BACH2: variants seen among roughly 807,000 people sequenced by gnomAD.
BACH2 encodes the protein transcription regulator protein BACH2.
A neutral mutation model predicts 61.8 loss-of-function variants in BACH2; 5 were observed. The ratio of observed to expected loss-of-function variants is 0.08; its 90% confidence interval spans 0.04 to 0.17. BACH2 has a LOEUF of 0.17. BACH2 is among the 10% of genes least tolerant of loss of function. BACH2 has a pLI of 1.00. For missense variants in BACH2, 824 were observed against 1,091.1 expected, an observed-to-expected ratio of 0.76 and a Z score of 3.45; for synonymous variants, 446 against 440.1, an observed-to-expected ratio of 1.01 and a Z score of -0.17.
At chr6:90,078,042 TA>T (rs1355072053) in intron 5 of BACH2, among the ~76,000 whole-genome samples, 3 of 152,122 alleles carry the variant, frequency 2.0e-5, no homozygotes, top group African/African-American at 7.2e-5. Context: ...TTGCAAAGCA[TA>T]AAAAATAAAA....
intron 6 of BACH2, among the ~76,000 whole-genome samples, chr6:89,966,399 G>A (rs1584541982): frequency 6.6e-6 from 1 of 152,206 alleles, no homozygotes; most frequent in African/African-American, 2.4e-5. Flanking sequence ...CACCATCTGT[G>A]CTCTGTGAGG....
intron 3 of BACH2, among the ~76,000 whole-genome samples, chr6:90,211,758 A>C (rs1769362491): frequency 2.6e-5 from 4 of 152,288 alleles, no homozygotes; most frequent in African/African-American, 4.8e-5. Context: ...GCCTTCAGTA[A>C]TATATGTCAA....
intron 6 of BACH2, among the ~76,000 whole-genome samples, chr6:90,002,923 CTT>C (rs1456440810): frequency 6.6e-6 from 1 of 152,200 alleles, no homozygotes; most frequent in African/African-American, 2.4e-5. Context: ...TGACTCCTCT[CTT>C]TCTCTCCCAC....
At chr6:90,092,209 A>C (rs1782186144) in intron 4 of BACH2, among the ~76,000 whole-genome samples, 1 of 150,992 alleles carries the variant, frequency 6.6e-6, no homozygotes, top group African/African-American at 2.4e-5. Flanking sequence ...CATTTTAAAA[A>C]TATACTTCGA....
intron 5 of BACH2, among the ~76,000 whole-genome samples, chr6:90,029,783 T>G (rs1296356667): frequency 6.6e-6 from 1 of 152,240 alleles, no homozygotes; most frequent in Non-Finnish European, 1.5e-5. Flanking sequence ...CCAGAGCTGC[T>G]TGTCTTTTCT....
At position 90,088,990 on chromosome 6, in the gene BACH2, T is replaced by A. The variant is rs1355848440; in HGVS notation, c.-42A>T. The stretch of plus-strand genomic sequence containing the variant: ...AATTTTTCCAGGTCCTGTGCTGCCT[T>A]CGAGTCTTAGGATGCAGGGAACTGG... On this transcript the variant is annotated 5_prime_UTR_variant, in exon 5 of 9. Coordinates refer to ENST00000257749, the MANE Select transcript of BACH2 (RefSeq NM_021813.4). 6.6e-6 allele frequency: 1 copy of A among 152,300 alleles called. No homozygotes were observed. The highest frequency in any genetic ancestry group is 1.5e-5 in the Non-Finnish European group (1 of 68,034). 9.4% of individuals were successfully genotyped at this position (152,300 alleles called of 1,614,324 possible). A position where few individuals can be genotyped will look rare whatever the true frequency, so the allele number is the denominator to read the frequency against.
rs540420960 is a variant in BACH2, at chr6:90,005,719, G to A, written c.243+2883C>T. On this transcript the variant is annotated intron_variant, in intron 6 of 8. Transcript: ENST00000257749. ...AGCCTCAAAAGAAAATGCCACTGGG[G>A]CTGGCTTGCATGTTCCATCAACAAG... Among the ~76,000 whole-genome samples the A allele has an allele frequency of 2.6e-5, 4 of 152,306 alleles. No individual in the cohort carries two copies. The South Asian group carries it at 8.3e-4, about 32-fold the overall frequency.
intron 5 of BACH2, among the ~76,000 whole-genome samples, chr6:90,053,519 T>A (rs1582272438): frequency 6.6e-6 from 1 of 152,160 alleles, no homozygotes; most frequent in Non-Finnish European, 1.5e-5. Flanking sequence ...CCTCAAGCAA[T>A]CTTCCTGGCT....
At chr6:89,972,065 A>G (rs1554221932) in intron 6 of BACH2, among the ~76,000 whole-genome samples, 1 of 152,198 alleles carries the variant, frequency 6.6e-6, no homozygotes. Flanking sequence ...TGAAATGTGC[A>G]AAGACCTAAG....
rs371787148 is a variant in BACH2 at position 90,010,783 on chromosome 6, G to T, written c.-12-1927C>A. Among the ~76,000 whole-genome samples the T allele has an allele frequency of 5.3e-5, 8 of 152,310 alleles. No individual in the cohort carries two copies. In the East Asian group the frequency reaches 5.8e-4, roughly 11 times the overall value. ...GTCACTCTTTCTAGTTTTGGACATT[G>T]TAATAGGTCTATCATATTTCTTTTT... On this transcript the variant is annotated intron_variant, in intron 5 of 8. Coordinates refer to ENST00000257749, the MANE Select transcript of BACH2 (RefSeq NM_021813.4).
intron 1 of BACH2, among the ~76,000 whole-genome samples, chr6:90,273,038 C>T (rs1448135200): frequency 6.6e-6 from 1 of 152,190 alleles, no homozygotes; most frequent in Non-Finnish European, 1.5e-5. Flanking sequence ...AGTTCCACAA[C>T]TTAACTGCTA....
intron 6 of BACH2, among the ~76,000 whole-genome samples, chr6:89,978,054 G>A (rs867438099): frequency 6.6e-6 from 1 of 152,098 alleles, no homozygotes; most frequent in African/African-American, 2.4e-5. Flanking sequence ...ATCTATACTT[G>A]AGTGGAATGC....
chr6:90,057,319 C>T (rs1407077909), intron 5 of BACH2, among the ~76,000 whole-genome samples: 1 of 152,146 alleles, frequency 6.6e-6, no homozygotes, highest in East Asian at 1.9e-4. Context: ...GAAATACAAA[C>T]TACCATCAGA....
intron 6 of BACH2, among the ~76,000 whole-genome samples, chr6:89,988,122 G>A (rs988517758): frequency 1.3e-5 from 2 of 152,164 alleles, no homozygotes; most frequent in African/African-American, 2.4e-5. Flanking sequence ...ATAGAAGGCA[G>A]TATTTTAAAA....
chr6:90,219,387 T>C (rs1442870441), intron 3 of BACH2, among the ~76,000 whole-genome samples: 1 of 152,244 alleles, frequency 6.6e-6, no homozygotes, highest in African/African-American at 2.4e-5. Context: ...ATCTGGTTTC[T>C]ATCCACACAA....
At chr6:90,185,603 T>C (rs770577113) in intron 4 of BACH2, among the ~76,000 whole-genome samples, 23 of 152,244 alleles carry the variant, frequency 1.5e-4, no homozygotes, top group Non-Finnish European at 2.2e-4. Context: ...TAACATATAT[T>C]ATTTTCATAG....
At chr6:89,990,249 T>C (rs963202740) in intron 6 of BACH2, among the ~76,000 whole-genome samples, 4 of 152,236 alleles carry the variant, frequency 2.6e-5, no homozygotes, top group East Asian at 1.9e-4. Flanking sequence ...AACATTTTCA[T>C]TGGAGCTGAT....
At chr6:90,001,711 C>A (rs1162658292) in intron 6 of BACH2, among the ~76,000 whole-genome samples, 1 of 152,088 alleles carries the variant, frequency 6.6e-6, no homozygotes, top group Non-Finnish European at 1.5e-5. Flanking sequence ...CTTTTGACTG[C>A]CTTGGAGCAG....
At chr6:90,023,616 T>A (rs897975788) in intron 5 of BACH2, among the ~76,000 whole-genome samples, 18 of 151,978 alleles carry the variant, frequency 1.2e-4, no homozygotes, top group Non-Finnish European at 1.9e-4. Flanking sequence ...ATGGAGTAAA[T>A]GTGTCCTCTC....
Sources: gnomAD v4.1 joint callset for allele counts (sites outside exome capture counted in the v4.1 genomes callset) on GRCh38, gnomAD v4.1.1 for gene constraint, MANE v1.5 for transcripts, NCBI Gene and HGNC (gene_info 2026-07-23, HGNC 2026-07-21) for gene names.